Variants in OR7E24 observed in about 807,000 individuals in gnomAD.
The protein encoded by OR7E24 is olfactory receptor 7E24.
For missense variants in OR7E24, 385 were observed against 410.3 expected (o/e 0.94, Z 0.53); for synonymous variants, 130 against 157.5 (o/e 0.83, Z 1.31).
the OR7E24 span, among the ~76,000 whole-genome samples, chr19:9,227,681 A>G: frequency 2.0e-5 from 3 of 150,722 alleles, no homozygotes; most frequent in Non-Finnish European, 2.9e-5. Flanking sequence ...ATGTGTCTTT[A>G]TATACTAATG....
upstream of OR7E24, among the ~76,000 whole-genome samples, chr19:9,244,487 T>C (rs1286552589): frequency 1.3e-5 from 2 of 152,206 alleles, no homozygotes; most frequent in South Asian, 4.1e-4. Flanking sequence ...AGGAAAAACT[T>C]GATTTCAAAA....
upstream of OR7E24, among the ~76,000 whole-genome samples, chr19:9,243,869 G>A (rs1028400646): frequency 2.6e-5 from 4 of 152,222 alleles, no homozygotes; most frequent in Admixed American, 1.3e-4. Flanking sequence ...AAGGAGGGGA[G>A]GCCTTAGAGG....
At chr19:9,221,868 G>A in the OR7E24 span, among the ~76,000 whole-genome samples, 18 of 152,056 alleles carry the variant, frequency 1.2e-4, no homozygotes, top group African/African-American at 4.1e-4. Context: ...CTGTGCTTCA[G>A]AGGTCATATC....
chr19:9,249,277 C>T (rs2066138714), upstream of OR7E24, among the ~76,000 whole-genome samples: 1 of 152,120 alleles, frequency 6.6e-6, no homozygotes, highest in Non-Finnish European at 1.5e-5. Context: ...CTGTATCTTG[C>T]TTGGTACAGA....
the OR7E24 span, among the ~76,000 whole-genome samples, chr19:9,239,960 C>G: frequency 6.6e-6 from 1 of 152,156 alleles, no homozygotes; most frequent in South Asian, 2.1e-4. Context: ...CCCGCCTTGG[C>G]CTCCCAAAGT....
At chr19:9,249,481 A>C (rs777973914), upstream of OR7E24, among the ~76,000 whole-genome samples, 1 of 152,200 alleles carries the variant, frequency 6.6e-6, no homozygotes, top group Non-Finnish European at 1.5e-5. Context: ...TGGACACATA[A>C]TAATAGCATC....
the OR7E24 span, among the ~76,000 whole-genome samples, chr19:9,233,901 GTCTT>G: frequency 9.3e-5 from 9 of 96,874 alleles, no homozygotes; most frequent in African/African-American, 2.9e-4. Context: ...GGGTTTACAT[GTCTT>G]TCTTTTTTTT....
At chr19:9,236,117 G>T in the OR7E24 span, 3 of 1,093,958 alleles carry the variant, frequency 2.7e-6, no homozygotes, top group South Asian at 1.3e-5. Context: ...GGATGCTATG[G>T]GTCCCTTAAG....
At chr19:9,219,554 A>G in the OR7E24 span, 1 of 152,106 alleles carries the variant, frequency 6.6e-6, no homozygotes, top group African/African-American at 2.4e-5. Context: ...GTTATCACTG[A>G]AGTTTTCTCT....
At chr19:9,210,686 T>TCACACACACACACA in the OR7E24 span, 17,276 of 149,670 alleles carry the variant, frequency 0.12, 1,565 homozygotes, top group African/African-American at 0.24. Flanking sequence ...CTAGGTGATC[T>TCACACACACACACA]CACACACACA....
the OR7E24 span, among the ~76,000 whole-genome samples, chr19:9,217,093 T>C: frequency 6.6e-6 from 1 of 152,184 alleles, no homozygotes; most frequent in African/African-American, 2.4e-5. Context: ...AGAGAATGTC[T>C]GCCCAGTGTA....
the OR7E24 span, among the ~76,000 whole-genome samples, chr19:9,222,222 T>C: frequency 6.6e-6 from 1 of 152,212 alleles, no homozygotes; most frequent in African/African-American, 2.4e-5. Context: ...ATATTACAGC[T>C]TTGTCAAATA....
the OR7E24 span, among the ~76,000 whole-genome samples, chr19:9,233,581 T>TCA: frequency 3.9e-5 from 6 of 152,062 alleles, no homozygotes; most frequent in African/African-American, 1.4e-4. Context: ...AAGGAAGGAG[T>TCA]CACAGGAATC....
Position 9,251,170 on chromosome 19 carries a change from C to G in OR7E24, c.127C>G (p.Pro43Ala). 1 of 1,613,928 alleles carries G rather than the reference C, an allele frequency of 6.2e-7. No homozygotes were observed. Among genetic ancestry groups the G allele is most frequent in the East Asian group, 2.2e-5 (1 of 44,882 alleles). Reference protein sequence around the residue: ...LGLSEDPELQPVLAGLFLSMY... With the variant: ...LGLSEDPELQAVLAGLFLSMY... ...ACTCTCAGAGGATCCAGAACTGCAG[C>G]CGGTCCTCGCTGGGCTGTTCCTGTC... Residue 43 changes from proline (P) to alanine (A), a missense_variant, in exon 1 of 1, where the codon CCG becomes GCG. Pro to Ala is a conservative substitution (Grantham distance 27). Coordinates refer to ENST00000456448, the MANE Select transcript of OR7E24 (RefSeq NM_001079935.2).
chr19:9,212,737 T>C, the OR7E24 span: 1 of 152,090 alleles, frequency 6.6e-6, no homozygotes, highest in Non-Finnish European at 1.5e-5. Context: ...AAAATCACAT[T>C]ATCATTCTTT....
At chr19:9,237,214 T>C in the OR7E24 span, among the ~76,000 whole-genome samples, 3,551 of 152,214 alleles carry the variant, frequency 0.023, 124 homozygotes, top group African/African-American at 0.08. Context: ...TTACTTCTCT[T>C]TTCCCTTCTA....
At chr19:9,214,258 G>C in the OR7E24 span, 19 of 1,613,998 alleles carry the variant, frequency 1.2e-5, no homozygotes, top group East Asian at 2.2e-5. Flanking sequence ...ATGTTATTGA[G>C]GAGGGTGTTA....
the OR7E24 span, among the ~76,000 whole-genome samples, chr19:9,221,401 A>G: frequency 9.8e-6 from 1 of 102,372 alleles, no homozygotes. Context: ...CCCAGGCTGG[A>G]ATGCAGTGGC....
the OR7E24 span, among the ~76,000 whole-genome samples, chr19:9,216,188 C>T: frequency 6.6e-6 from 1 of 152,176 alleles, no homozygotes; most frequent in East Asian, 1.9e-4. Flanking sequence ...ATGAGATCTG[C>T]CACCCCCTGC....
Sources: gnomAD v4.1 joint callset for allele counts (sites outside exome capture counted in the v4.1 genomes callset) on GRCh38, gnomAD v4.1.1 for gene constraint, MANE v1.5 for transcripts, NCBI Gene and HGNC (gene_info 2026-07-23, HGNC 2026-07-21) for gene names.